Variants in AGBL4 observed in about 807,000 individuals in gnomAD.
AGBL4 encodes AGBL carboxypeptidase 4.
A neutral mutation model predicts 66.4 loss-of-function variants in AGBL4; 58 were observed. The observed-to-expected ratio is 0.87, with a 90% CI of 0.71 to 1.09. AGBL4 has a LOEUF of 1.09. Among genes scored for constraint, AGBL4 ranks in the 50% least tolerant of loss-of-function variants. The pLI, the probability that AGBL4 is intolerant of heterozygous loss-of-function variation, is 0.00. For synonymous variants in AGBL4, 234 were observed against 222.9 expected (o/e 1.05, Z -0.44); for missense variants, 579 against 631.0 (o/e 0.92, Z 0.88).
intron 3 of AGBL4, among the ~76,000 whole-genome samples, chr1:49,293,062 CT>C (rs1644573537): frequency 2.0e-5 from 3 of 152,244 alleles, no homozygotes; most frequent in Admixed American, 2.0e-4. Flanking sequence ...GTGACTCCCT[CT>C]TTGGGGCCCT....
chr1:49,607,123 A>G (rs1645075403), intron 3 of AGBL4, among the ~76,000 whole-genome samples: 1 of 152,120 alleles, frequency 6.6e-6, no homozygotes, highest in African/African-American at 2.4e-5. Context: ...TTAAGATTAT[A>G]AACATTCCCT....
intron 8 of AGBL4, among the ~76,000 whole-genome samples, chr1:48,649,453 T>C (rs192242736): frequency 6.6e-6 from 1 of 152,372 alleles, no homozygotes; most frequent in African/African-American, 2.4e-5. Flanking sequence ...TAAAGATAGC[T>C]ACTATAGCGT....
In AGBL4 at chr1:49,514,111, GA is replaced by G. The variant is rs1179437999; in HGVS notation, c.282+183201del. On this transcript the variant is annotated intron_variant, in intron 3 of 13. Coordinates refer to ENST00000371839, the MANE Select transcript of AGBL4 (RefSeq NM_032785.4). ...CTGAAGTTGCTTATCAGCTTAAGGA[GA>G]TTTTGGGCTGAGACAATGGGGTTTT... is the stretch of plus-strand genomic sequence containing the variant. 3.3e-5 allele frequency among the ~76,000 whole-genome samples: 5 copies of G among 152,034 alleles called. 1 individual carries two copies. The highest frequency in any genetic ancestry group is 7.2e-5 in the African/African-American group (3 of 41,526).
chr1:48,592,228 C>T (rs1425613423), intron 9 of AGBL4, among the ~76,000 whole-genome samples: 2 of 152,212 alleles, frequency 1.3e-5, no homozygotes, highest in African/African-American at 4.8e-5. Flanking sequence ...ATGGCCAACA[C>T]TAGAAACAGC....
At chr1:49,829,254 G>A (rs1013619319) in intron 2 of AGBL4, among the ~76,000 whole-genome samples, 1 of 152,086 alleles carries the variant, frequency 6.6e-6, no homozygotes, top group Admixed American at 6.5e-5. Context: ...ATGTACTCAA[G>A]ATTTATAAAG....
At chr1:49,590,150 G>A (rs185455643) in intron 3 of AGBL4, among the ~76,000 whole-genome samples, 3 of 152,094 alleles carry the variant, frequency 2.0e-5, no homozygotes, top group Admixed American at 2.0e-4. Flanking sequence ...GAGACAAAAT[G>A]AGACCTAGCT....
At chr1:49,260,154 A>G (rs1178952185) in intron 3 of AGBL4, among the ~76,000 whole-genome samples, 4 of 151,680 alleles carry the variant, frequency 2.6e-5, no homozygotes, top group Non-Finnish European at 5.9e-5. Flanking sequence ...ACACATTCAA[A>G]GCAGTGTGTA....
At chr1:49,271,969 G>T (rs1644070126) in intron 3 of AGBL4, among the ~76,000 whole-genome samples, 1 of 152,156 alleles carries the variant, frequency 6.6e-6, no homozygotes, top group South Asian at 2.1e-4. Context: ...CTTGGCCTTT[G>T]TGTGTACAAT....
intron 1 of AGBL4, among the ~76,000 whole-genome samples, chr1:49,966,730 A>G (rs1657597106): frequency 6.6e-6 from 1 of 152,170 alleles, no homozygotes; most frequent in South Asian, 2.1e-4. Flanking sequence ...GTTATGAACA[A>G]TACTAGCACA....
intron 9 of AGBL4, among the ~76,000 whole-genome samples, chr1:48,621,069 G>C (rs1280473448): frequency 6.6e-6 from 1 of 152,176 alleles, no homozygotes; most frequent in African/African-American, 2.4e-5. Context: ...AGCTGACCGA[G>C]AGGGATCAAA....
intron 4 of AGBL4, among the ~76,000 whole-genome samples, chr1:49,217,599 A>G (rs571539856): frequency 4.6e-5 from 7 of 152,082 alleles, no homozygotes; most frequent in Non-Finnish European, 1.0e-4. Context: ...TCACTGGCCT[A>G]TGCTCTTTTT....
chr1:49,310,421 A>C (rs1474056984), intron 3 of AGBL4, among the ~76,000 whole-genome samples: 1 of 152,094 alleles, frequency 6.6e-6, no homozygotes, highest in African/African-American at 2.4e-5. Flanking sequence ...GGTTTGGACT[A>C]GGGAAGCATC....
At chr1:49,276,635 C>G (rs1467438570) in intron 3 of AGBL4, among the ~76,000 whole-genome samples, 1 of 152,186 alleles carries the variant, frequency 6.6e-6, no homozygotes, top group African/African-American at 2.4e-5. Context: ...ACCATCTATT[C>G]TCTCTGAGAG....
rs754849903 is a variant in AGBL4, at chr1:48,776,571, C to T, written c.634+90620G>A. On this transcript the variant is annotated intron_variant, in intron 6 of 13. Transcript: ENST00000371839. ...CCCTCCCGGGGTCCCAGCCCCCGCCCGGGTCCCACCGTCCCTCCCCGCCCG... is the reference window on the plus strand; with the variant it reads ...CCCTCCCGGGGTCCCAGCCCCCGCCTGGGTCCCACCGTCCCTCCCCGCCCG... 1.2e-4 allele frequency: 158 copies of T among 1,363,634 alleles called. 1 individual carries two copies. Among genetic ancestry groups the T allele is most frequent in the South Asian group, 1.1e-3 (66 of 59,794 alleles). The allele number at this position is 1,363,634 out of a possible 1,614,324, so 84.5% of individuals were successfully genotyped here. A position where few individuals can be genotyped will look rare whatever the true frequency, so the allele number is the denominator to read the frequency against.
rs549891217 is a variant in AGBL4, at chr1:49,859,087, T to C, written c.35-7569A>G. Among the ~76,000 whole-genome samples, 511 of 152,300 alleles carry C rather than the reference T, an allele frequency of 3.4e-3. 5 individuals are homozygous for C. Among genetic ancestry groups the C allele is most frequent in the African/African-American group, 0.012 (494 of 41,570 alleles). On this transcript the variant is annotated intron_variant, in intron 1 of 13. Coordinates refer to ENST00000371839, the MANE Select transcript of AGBL4 (RefSeq NM_032785.4). ...GATGAAATATACAAAACCACAATTA[T>C]GTTTAACCCTTCAATACGACTATTT... is the stretch of plus-strand genomic sequence containing the variant.
At chr1:48,801,888 T>A (rs2148744371) in intron 6 of AGBL4, among the ~76,000 whole-genome samples, 1 of 148,926 alleles carries the variant, frequency 6.7e-6, no homozygotes, top group East Asian at 2.0e-4. Flanking sequence ...CATTTCTCAC[T>A]CTGGCCTTGC....
At chr1:48,761,274 TTTAGCTACGAGA>T in intron 6 of AGBL4, 1 of 1,479,812 alleles carries the variant, frequency 6.8e-7, no homozygotes, top group Non-Finnish European at 9.0e-7. Flanking sequence ...ACTGAAACTC[TTTAGCTACGAGA>T]TATCTGAAAA....
chr1:49,240,432 C>T (rs960755878), intron 4 of AGBL4, among the ~76,000 whole-genome samples: 1 of 152,100 alleles, frequency 6.6e-6, no homozygotes, highest in Non-Finnish European at 1.5e-5. Context: ...GAAAGCCTCT[C>T]AAGACCTCCA....
chr1:49,235,414 C>T (rs1319044062), intron 4 of AGBL4, among the ~76,000 whole-genome samples: 2 of 152,078 alleles, frequency 1.3e-5, no homozygotes, highest in Non-Finnish European at 2.9e-5. Context: ...GTGCTTTTTC[C>T]CTGCATCAAG....
Sources: allele counts gnomAD v4.1 joint callset (sites outside exome capture counted in the v4.1 genomes callset), GRCh38; gene constraint gnomAD v4.1.1; transcripts MANE v1.5; gene names NCBI Gene and HGNC (gene_info 2026-07-23, HGNC 2026-07-21).